Variants in SERPINA5 observed in about 807,000 individuals in gnomAD.
SERPINA5 encodes plasma serine protease inhibitor.
A neutral mutation model predicts 25.3 loss-of-function variants in SERPINA5; 25 were observed. That is an observed-to-expected ratio of 0.99 (90% CI 0.72 to 1.38). The LOEUF is 1.38. Ranked by LOEUF, SERPINA5 falls within the 40% of genes most tolerant of loss-of-function variation. The pLI, the probability that SERPINA5 is intolerant of heterozygous loss-of-function variation, is 0.00. For missense variants in SERPINA5, 599 were observed against 509.5 expected (o/e 1.18, Z -1.69); for synonymous variants, 234 against 206.2 (o/e 1.14, Z -1.16).
rs778848804 is a variant in SERPINA5, at chr14:94,592,153, T to C, written c.1135T>C (p.Ser379Pro). 1 of 1,614,138 alleles carries C rather than the reference T, an allele frequency of 6.2e-7. No homozygotes were observed. The highest frequency in any genetic ancestry group is 1.1e-5 in the South Asian group (1 of 91,080). The change falls in exon 6 of 6, where the codon TCT becomes CCT. Residue 379 changes from serine (S) to proline (P), a missense_variant. Physicochemically the swap from Ser to Pro is moderately conservative, Grantham distance 74. Coordinates refer to ENST00000329597, the MANE Select transcript of SERPINA5 (RefSeq NM_000624.6). ...CACTTTCAGGTCGGCCCGCCTGAAC[T>C]CTCAGAGGCTAGTGTTCAACAGGCC... ...IFTFRSARLN[S>P]QRLVFNRPFL...
rs1885147953 is a variant in SERPINA5, at chr14:94,587,843, A to T, written c.481A>T (p.Asn161Tyr). ...TLYLADTFPTNFRDSAGAMKQ... is the reference protein window; with the variant it reads ...TLYLADTFPTYFRDSAGAMKQ... Reference sequence around the variant, plus strand: ...GTACCTGGCAGACACTTTCCCTACCAACTTTAGGGACTCTGCAGGGGCCAT... The same window carrying T: ...GTACCTGGCAGACACTTTCCCTACCTACTTTAGGGACTCTGCAGGGGCCAT... The change falls in exon 3 of 6, where the codon AAC (asparagine) becomes TAC (tyrosine). Residue 161 changes from asparagine (N) to tyrosine (Y), a missense_variant. Coordinates refer to ENST00000329597, the MANE Select transcript of SERPINA5 (RefSeq NM_000624.6). 2 of 1,613,822 alleles carry T rather than the reference A, an allele frequency of 1.2e-6. No homozygotes were observed.
At position 94,587,392 on chromosome 14, in the gene SERPINA5, G is replaced by A. The variant is rs749276841; in HGVS notation, c.30G>A (p.Val10=). The part of the protein sequence containing the change: MQLFLLLCL[V]LLSPQGASLH... The stretch of plus-strand genomic sequence containing the variant: ...AGCTCTTCCTCCTCTTGTGCCTGGT[G>A]CTTCTCAGCCCTCAGGGGGCCTCCC... Residue 10 remains valine, a synonymous_variant, in exon 3 of 6, where the codon GTG becomes GTA. Transcript: ENST00000329597. The A allele has an allele frequency of 4.2e-5, 67 of 1,611,896 alleles. No homozygotes were observed. The highest frequency in any genetic ancestry group is 5.6e-5 in the Non-Finnish European group (66 of 1,179,252).
rs1431711373 is a variant in SERPINA5, at chr14:94,587,609, G to C, written c.247G>C (p.Ala83Pro). 3.1e-6 allele frequency: 5 copies of C among 1,613,902 alleles called. No homozygotes were observed. The highest frequency in any genetic ancestry group is 4.2e-6 in the Non-Finnish European group (5 of 1,179,960). The change falls in exon 3 of 6, where the codon GCT becomes CCT. Residue 83 changes from alanine (A) to proline (P), a missense_variant. Transcript: ENST00000329597. Reference protein sequence around the residue: ...SMSLAMLSLGAGSSTKMQILE... With the variant: ...SMSLAMLSLGPGSSTKMQILE... ...GAGCCTGGCCATGCTCTCCCTGGGG[G>C]CTGGGTCCAGCACAAAGATGCAGAT...
Position 94,587,389 on chromosome 14 carries a change from G to C in SERPINA5, c.27G>C (p.Leu9=). The change falls in exon 3 of 6, where the codon CTG becomes CTC. Residue 9 remains leucine, a synonymous_variant. Coordinates refer to ENST00000329597, the MANE Select transcript of SERPINA5 (RefSeq NM_000624.6). MQLFLLLC[L]VLLSPQGASL... Reference sequence around the variant, plus strand: ...TGCAGCTCTTCCTCCTCTTGTGCCTGGTGCTTCTCAGCCCTCAGGGGGCCT... The same window carrying C: ...TGCAGCTCTTCCTCCTCTTGTGCCTCGTGCTTCTCAGCCCTCAGGGGGCCT... The C allele has an allele frequency of 2.5e-6, 4 of 1,611,548 alleles. No homozygotes were observed. Among genetic ancestry groups the C allele is most frequent in the Middle Eastern group, 1.7e-4 (1 of 6,036 alleles).
intron 5 of SERPINA5, among the ~76,000 whole-genome samples, chr14:94,591,212 C>A: frequency 6.8e-6 from 1 of 147,914 alleles, no homozygotes; most frequent in Non-Finnish European, 1.5e-5. Context: ...TCCACATCTC[C>A]ACTCCACTCC....
chr14:94,588,072 C>T (rs966781741), intron 3 of SERPINA5, 91 bp downstream of exon 3: 20 of 1,483,106 alleles, frequency 1.3e-5, no homozygotes, highest in African/African-American at 9.9e-5. Context: ...ACATAAAAGA[C>T]GGGGAGTACG....
intron 3 of SERPINA5, among the ~76,000 whole-genome samples, chr14:94,588,302 G>A (rs1885164067): frequency 6.6e-6 from 1 of 152,126 alleles, no homozygotes; most frequent in Non-Finnish European, 1.5e-5. Flanking sequence ...CCATGGCAAA[G>A]ACACCAACAC....
intron 3 of SERPINA5, among the ~76,000 whole-genome samples, chr14:94,588,605 GAA>G (rs1227400238): frequency 2.0e-5 from 3 of 152,202 alleles, no homozygotes; most frequent in African/African-American, 7.2e-5. Flanking sequence ...GAGAGGGTGG[GAA>G]GGGTTGCGAA....
chr14:94,590,450 G>A (rs914756090), intron 4 of SERPINA5, 139 bp downstream of exon 4: 139 of 1,115,612 alleles, frequency 1.2e-4, no homozygotes, highest in Middle Eastern at 3.1e-4. Flanking sequence ...GGCATCCTGT[G>A]ACATCCAAGT....
intron 2 of SERPINA5, among the ~76,000 whole-genome samples, chr14:94,586,203 C>T (rs543668851): frequency 2.6e-5 from 4 of 152,312 alleles, no homozygotes; most frequent in African/African-American, 9.6e-5. Context: ...GGAGACCCCA[C>T]AAAGGCCTCC....
In SERPINA5 at chr14:94,590,235, G is replaced by T. The variant is rs891635142; in HGVS notation, c.814G>T (p.Glu272Ter). 5 of 1,613,830 alleles carry T rather than the reference G, an allele frequency of 3.1e-6. No homozygotes were observed. Among genetic ancestry groups the T allele is most frequent in the African/African-American group, 1.3e-5 (1 of 74,932 alleles). The change falls in exon 4 of 6, where the codon GAG becomes TAG. Residue 272 changes from glutamate to a stop codon, truncating the protein, a stop_gained. Coordinates refer to ENST00000329597, the MANE Select transcript of SERPINA5 (RefSeq NM_000624.6). LOFTEE classifies it high-confidence loss of function. ...CACGGCTTTGTTCATTCTCCCCAGT[G>T]AGGGAAAGATGCAGCAGGTGGAGAA... Reference protein sequence around the residue: ...NATALFILPSEGKMQQVENGL... With the variant: ...NATALFILPS
chr14:94,589,395 C>A (rs2139929538), intron 3 of SERPINA5, among the ~76,000 whole-genome samples: 1 of 151,684 alleles, frequency 6.6e-6, no homozygotes, highest in East Asian at 1.9e-4. Flanking sequence ...CTGTAGTGAG[C>A]CAAAATTGCG....
chr14:94,585,939 T>A (rs1008097507), intron 2 of SERPINA5, among the ~76,000 whole-genome samples: 1 of 152,168 alleles, frequency 6.6e-6, no homozygotes, highest in African/African-American at 2.4e-5. Flanking sequence ...GCTGTTATTA[T>A]CACTATCTTA....
At chr14:94,585,763 ACGTGTGTGTGTG>A (rs1397716280) in intron 2 of SERPINA5, among the ~76,000 whole-genome samples, 3 of 100,140 alleles carry the variant, frequency 3.0e-5, no homozygotes, top group Non-Finnish European at 6.0e-5. Flanking sequence ...TCAGGCTCAC[ACGTGTGTGTGTG>A]TGTGTGTGTG....
At chr14:94,585,956 T>C (rs548222894) in intron 2 of SERPINA5, among the ~76,000 whole-genome samples, 33 of 152,292 alleles carry the variant, frequency 2.2e-4, no homozygotes, top group Non-Finnish European at 4.0e-4. Flanking sequence ...CTTACAGTTA[T>C]GGAGCAGTGG....
chr14:94,592,523 T>C lies in SERPINA5; in HGVS notation c.*284T>C, dbSNP rs1885340621. The C allele has an allele frequency of 5.8e-6, 2 of 344,012 alleles. No individual in the cohort carries two copies. Among genetic ancestry groups the C allele is most frequent in the African/African-American group, 4.2e-5 (2 of 47,732 alleles). 21.3% of individuals were successfully genotyped at this position (344,012 alleles called of 1,614,324 possible). ...GATGACTTGCTCAAGTTCACCAGCATGGTAGTGGCAAAGAGAGGTCCAGAG... is the reference window on the plus strand; with the variant it reads ...GATGACTTGCTCAAGTTCACCAGCACGGTAGTGGCAAAGAGAGGTCCAGAG... On this transcript the variant is annotated 3_prime_UTR_variant, in exon 6 of 6. Coordinates refer to ENST00000329597, the MANE Select transcript of SERPINA5 (RefSeq NM_000624.6).
intron 2 of SERPINA5, among the ~76,000 whole-genome samples, chr14:94,583,061 G>T (rs61978298): frequency 0.022 from 3,406 of 152,242 alleles, 41 homozygotes; most frequent in South Asian, 0.046. Context: ...TGAGCCTGGG[G>T]GTATCACGTG....
rs552797836 is a variant in SERPINA5, at chr14:94,591,974, C to A, written c.1039-83C>A. The A allele has an allele frequency of 4.3e-5, 62 of 1,442,736 alleles. No homozygotes were observed. In the South Asian group the frequency reaches 7.9e-4, roughly 18 times the overall value. 89.4% of individuals were successfully genotyped at this position (1,442,736 alleles called of 1,614,324 possible). ...TTGAACAGATACTTAGAGGTTGATG[C>A]CCATAGGCAGAAGCTTTGCCATTTG... On this transcript the variant is annotated intron_variant, in intron 5 of 5. Coordinates refer to ENST00000329597, the MANE Select transcript of SERPINA5 (RefSeq NM_000624.6).
chr14:94,587,827 A>C lies in SERPINA5; in HGVS notation c.465A>C (p.Ala155=), dbSNP rs1376641280. The C allele has an allele frequency of 2.5e-6, 4 of 1,613,958 alleles. No homozygotes were observed. Among genetic ancestry groups the C allele is most frequent in the South Asian group, 1.1e-5 (1 of 91,074 alleles). ...FVSAMKTLYL[A]DTFPTNFRDS... ...GTGCCATGAAGACGCTGTACCTGGC[A>C]GACACTTTCCCTACCAACTTTAGGG... Residue 155 remains alanine (A), a synonymous_variant, in exon 3 of 6, where the codon GCA becomes GCC. Coordinates refer to ENST00000329597, the MANE Select transcript of SERPINA5 (RefSeq NM_000624.6).
Sources: gnomAD v4.1 joint callset for allele counts (sites outside exome capture counted in the v4.1 genomes callset) on GRCh38, gnomAD v4.1.1 for gene constraint, MANE v1.5 for transcripts, NCBI Gene and HGNC (gene_info 2026-07-23, HGNC 2026-07-21) for gene names.